CAB39L: variants seen among roughly 807,000 people sequenced by gnomAD.
CAB39L encodes the protein calcium-binding protein 39-like.
A neutral mutation model predicts 39.1 loss-of-function variants in CAB39L; 23 were observed. The observed-to-expected ratio is 0.59, with a 90% CI of 0.42 to 0.83. The LOEUF is 0.83. Ranked by LOEUF, CAB39L falls within the 40% of genes least tolerant of loss-of-function variation. CAB39L has a pLI of 0.00. For synonymous variants in CAB39L, 126 were observed against 137.2 expected (o/e 0.92, Z 0.57); for missense variants, 366 against 391.9 (o/e 0.93, Z 0.56).
At chr13:49,383,596 C>T (rs1023801402) in intron 3 of CAB39L, among the ~76,000 whole-genome samples, 23 of 152,288 alleles carry the variant, frequency 1.5e-4, no homozygotes, top group Non-Finnish European at 3.2e-4. Context: ...CAGTTCCAGA[C>T]CATTGCAATA....
intron 3 of CAB39L, among the ~76,000 whole-genome samples, chr13:49,406,108 T>G (rs1462571635): frequency 6.6e-6 from 1 of 151,710 alleles, no homozygotes; most frequent in Non-Finnish European, 1.5e-5. Flanking sequence ...ACAGGATGAC[T>G]ACAGTTAGCA....
intron 10 of CAB39L, among the ~76,000 whole-genome samples, chr13:49,331,420 C>T (rs1954692279): frequency 6.6e-6 from 1 of 151,976 alleles, no homozygotes; most frequent in South Asian, 2.1e-4. Flanking sequence ...GAGCCGAGAT[C>T]GCACCACTGC....
chr13:49,346,015 C>T (rs958944121), intron 7 of CAB39L, among the ~76,000 whole-genome samples: 11 of 141,638 alleles, frequency 7.8e-5, no homozygotes, highest in African/African-American at 2.4e-4. Flanking sequence ...CTTGAAAATC[C>T]AGTATTAGGA....
chr13:49,324,543 G>T (rs960314109), intron 10 of CAB39L, among the ~76,000 whole-genome samples: 1 of 152,096 alleles, frequency 6.6e-6, no homozygotes, highest in Non-Finnish European at 1.5e-5. Context: ...TTGCCATTTC[G>T]AATTTACCAG....
At chr13:49,387,762 CA>C (rs61399188) in intron 3 of CAB39L, among the ~76,000 whole-genome samples, 255 of 151,468 alleles carry the variant, frequency 1.7e-3, no homozygotes, top group African/African-American at 6.0e-3. Context: ...CTCTTTTAGA[CA>C]AAAAAAAGAG....
At chr13:49,388,067 C>T (rs375814452) in intron 3 of CAB39L, among the ~76,000 whole-genome samples, 7 of 151,770 alleles carry the variant, frequency 4.6e-5, no homozygotes, top group South Asian at 2.1e-4. Flanking sequence ...TCCCAGAAGG[C>T]GAGAAAAGGT....
At chr13:49,393,895 A>G (rs940348127) in intron 3 of CAB39L, among the ~76,000 whole-genome samples, 12 of 151,998 alleles carry the variant, frequency 7.9e-5, no homozygotes, top group African/African-American at 2.9e-4. Context: ...AAAGTGTTAT[A>G]AAGTACTGTA....
intron 8 of CAB39L, among the ~76,000 whole-genome samples, chr13:49,341,688 T>A (rs1440324983): frequency 6.6e-6 from 1 of 152,110 alleles, no homozygotes; most frequent in East Asian, 1.9e-4. Flanking sequence ...GTGACTATAG[T>A]TAATAATTTA....
chr13:49,361,869 C>T (rs1428364828), intron 5 of CAB39L, among the ~76,000 whole-genome samples: 1 of 152,134 alleles, frequency 6.6e-6, no homozygotes, highest in Non-Finnish European at 1.5e-5. Context: ...CTCCTCTTTC[C>T]CACTACCTCT....
intron 1 of CAB39L, among the ~76,000 whole-genome samples, chr13:49,441,224 T>TATATATATATATATATA (rs1957514145): frequency 9.5e-6 from 1 of 105,300 alleles, no homozygotes; most frequent in South Asian, 3.2e-4. Flanking sequence ...ATTTAGTGTA[T>TATATATATATATATATA]ATATATATAT....
chr13:49,361,245 C>T (rs1387492168), intron 5 of CAB39L, among the ~76,000 whole-genome samples: 1 of 151,902 alleles, frequency 6.6e-6, no homozygotes, highest in African/African-American at 2.4e-5. Flanking sequence ...TTTGGGAGGC[C>T]AAGTGGGGCA....
chr13:49,327,627 A>G (rs1266581547), intron 10 of CAB39L, among the ~76,000 whole-genome samples: 1 of 152,162 alleles, frequency 6.6e-6, no homozygotes, highest in Non-Finnish European at 1.5e-5. Context: ...TTGGACTCTA[A>G]CTGCATATAT....
chr13:49,443,307 T>C (rs1957578168), intron 1 of CAB39L, among the ~76,000 whole-genome samples: 1 of 147,632 alleles, frequency 6.8e-6, no homozygotes, highest in South Asian at 2.1e-4. Flanking sequence ...GCCCCGTTTC[T>C]GCAAGACCAC....
At chr13:49,440,755 TGTG>T (rs1318600043) in intron 1 of CAB39L, among the ~76,000 whole-genome samples, 3 of 145,254 alleles carry the variant, frequency 2.1e-5, no homozygotes, top group African/African-American at 8.2e-5. Context: ...TGTGTGTGTG[TGTG>T]TATGGCTATC....
intron 7 of CAB39L, among the ~76,000 whole-genome samples, chr13:49,346,169 C>T (rs933829540): frequency 8.1e-6 from 1 of 123,108 alleles, no homozygotes; most frequent in East Asian, 2.8e-4. Context: ...CTCTCTCACG[C>T]CCACATTTCC....
chr13:49,410,713 C>T (rs906096103), intron 3 of CAB39L, among the ~76,000 whole-genome samples: 6 of 152,160 alleles, frequency 3.9e-5, no homozygotes, highest in Non-Finnish European at 8.8e-5. Context: ...AATGAAAGTA[C>T]TTCACATGAC....
Position 49,359,796 on chromosome 13 carries a change from A to G in CAB39L, c.313T>C (p.Leu105=), listed in dbSNP as rs1955582690. 1.2e-6 allele frequency: 2 copies of G among 1,612,738 alleles called. No homozygotes were observed. Among genetic ancestry groups the G allele is most frequent in the Non-Finnish European group, 1.7e-6 (2 of 1,178,900 alleles). ...CTCCGAGTGCCTATCTGTCTTCTCA[A>G]GATGTTGTTAAATATCTGGGTCACA... ...KDVTQIFNNI[L]RRQIGTRSPT... is the part of the protein sequence containing the mutation. The change falls in exon 6 of 11, where the codon TTG becomes CTG. Residue 105 remains leucine (L), a synonymous_variant. Transcript: ENST00000409308.
intron 5 of CAB39L, among the ~76,000 whole-genome samples, chr13:49,376,417 T>C (rs2407611): frequency 0.55 from 82,955 of 152,120 alleles, 24,031 homozygotes; most frequent in African/African-American, 0.72. Context: ...TTGTTTTAGT[T>C]AGTCAGTTTA....
At chr13:49,391,045 C>A (rs1956478507) in intron 3 of CAB39L, among the ~76,000 whole-genome samples, 1 of 152,112 alleles carries the variant, frequency 6.6e-6, no homozygotes, top group Admixed American at 6.5e-5. Context: ...TGCAAAAAGG[C>A]CTATTCCAAG....
Sources: allele counts gnomAD v4.1 joint callset (sites outside exome capture counted in the v4.1 genomes callset), GRCh38; gene constraint gnomAD v4.1.1; transcripts MANE v1.5; gene names NCBI Gene and HGNC (gene_info 2026-07-23, HGNC 2026-07-21).